The following MYO5B variants were observed in gnomAD, a reference collection of about 807,000 sequenced individuals.
MYO5B encodes unconventional myosin-Vb.
Under a neutral mutation model 229.3 loss-of-function variants are expected in MYO5B, and 143 were observed. The ratio of observed to expected loss-of-function variants is 0.62; its 90% CI spans 0.54 to 0.72. The LOEUF (loss-of-function observed/expected upper bound fraction) is 0.72, where lower values mean the gene tolerates loss of function less well. Among genes scored for constraint, MYO5B ranks in the 30% least tolerant of loss-of-function variants. The pLI is 0.00. For missense variants in MYO5B, 2,321 were observed against 2,331.0 expected (o/e 1.00, Z 0.09); for synonymous variants, 918 against 885.2 (o/e 1.04, Z -0.66).
Position 49,951,014 on chromosome 18 carries a change from G to A in MYO5B, c.1752+2246C>T, listed in dbSNP as rs192317145. Reference sequence around the variant, plus strand: ...CTGGGAGTTTGGAATTTTGGTTTGTGCTAGGCTAAGGGTGCCTACATAATC... The same window carrying A: ...CTGGGAGTTTGGAATTTTGGTTTGTACTAGGCTAAGGGTGCCTACATAATC... On this transcript the variant is annotated intron_variant, in intron 14 of 39. Coordinates refer to ENST00000285039, the MANE Select transcript of MYO5B (RefSeq NM_001080467.3). Among the ~76,000 whole-genome samples, 13 of 152,314 alleles carry A rather than the reference G, an allele frequency of 8.5e-5. 1 individual carries two copies. In the East Asian group the frequency reaches 2.5e-3, roughly 29 times the overall value.
chr18:50,118,880 T>C (rs932229476), intron 1 of MYO5B, among the ~76,000 whole-genome samples: 3 of 152,144 alleles, frequency 2.0e-5, no homozygotes, highest in African/African-American at 7.2e-5. Context: ...CTACTGTTTG[T>C]TGCTAGTCAC....
rs553140360 is a variant in MYO5B, at chr18:49,982,924, A to C, written c.946+1794T>G. Among the ~76,000 whole-genome samples the C allele has an allele frequency of 2.0e-3, 311 of 152,134 alleles. 1 individual carries two copies. Among genetic ancestry groups the C allele is most frequent in the African/African-American group, 6.9e-3 (288 of 41,530 alleles). On this transcript the variant is annotated intron_variant, in intron 8 of 39. Coordinates refer to ENST00000285039, the MANE Select transcript of MYO5B (RefSeq NM_001080467.3). ...TGTCCTTAGAGCCTTGGAGGGAGCAATCCTCTCCTTATATCAGCTTGTGCC... is the reference window on the plus strand; with the variant it reads ...TGTCCTTAGAGCCTTGGAGGGAGCACTCCTCTCCTTATATCAGCTTGTGCC...
intron 1 of MYO5B, among the ~76,000 whole-genome samples, chr18:50,102,386 T>C (rs1465620281): frequency 6.6e-6 from 1 of 151,342 alleles, no homozygotes; most frequent in Non-Finnish European, 1.5e-5. Flanking sequence ...AAATCTTAAC[T>C]CTTAGAAAAG....
chr18:49,985,401 C>T (rs554460909), intron 7 of MYO5B, among the ~76,000 whole-genome samples: 2 of 152,298 alleles, frequency 1.3e-5, no homozygotes, highest in Non-Finnish European at 2.9e-5. Context: ...CCTCTGGTAA[C>T]AGCCTAGGGG....
At chr18:50,005,699 G>A (rs985154231) in intron 4 of MYO5B, among the ~76,000 whole-genome samples, 9 of 152,168 alleles carry the variant, frequency 5.9e-5, no homozygotes, top group African/African-American at 1.4e-4. Flanking sequence ...TTACAGGCAT[G>A]AGCCACTGCC....
intron 9 of MYO5B, among the ~76,000 whole-genome samples, chr18:49,976,443 A>G (rs369285881): frequency 1.3e-5 from 2 of 152,320 alleles, no homozygotes; most frequent in South Asian, 2.1e-4. Flanking sequence ...TGCAAAGAAC[A>G]TTAGTTGGCT....
At chr18:50,034,264 A>C (rs959111824) in intron 4 of MYO5B, among the ~76,000 whole-genome samples, 2 of 152,222 alleles carry the variant, frequency 1.3e-5, no homozygotes, top group Non-Finnish European at 2.9e-5. Flanking sequence ...AGTACTGTTG[A>C]ATGAATGTGT....
At chr18:50,025,266 G>T (rs967090285) in intron 4 of MYO5B, among the ~76,000 whole-genome samples, 2 of 152,188 alleles carry the variant, frequency 1.3e-5, no homozygotes, top group Non-Finnish European at 2.9e-5. Flanking sequence ...GTCAAGACCT[G>T]CATATCAGTG....
At chr18:50,126,758 T>TA (rs1474617859) in intron 1 of MYO5B, among the ~76,000 whole-genome samples, 1 of 152,200 alleles carries the variant, frequency 6.6e-6, no homozygotes, top group African/African-American at 2.4e-5. Context: ...CACCATCTTC[T>TA]AGCACACTAT....
chr18:50,004,927 C>T (rs1598946279), intron 4 of MYO5B, among the ~76,000 whole-genome samples: 1 of 152,306 alleles, frequency 6.6e-6, no homozygotes, highest in South Asian at 2.1e-4. Flanking sequence ...GAATTTGAAC[C>T]TCGGCCGCAC....
chr18:49,915,440 C>G (rs2025003027), intron 17 of MYO5B, among the ~76,000 whole-genome samples: 1 of 152,192 alleles, frequency 6.6e-6, no homozygotes, highest in African/African-American at 2.4e-5. Flanking sequence ...TTTACAAGGC[C>G]CTGCTCATCA....
chr18:49,903,817 TC>T (rs1368377759), intron 20 of MYO5B, among the ~76,000 whole-genome samples: 1 of 152,228 alleles, frequency 6.6e-6, no homozygotes, highest in African/African-American at 2.4e-5. Context: ...GATGTGGGGC[TC>T]CTGAACCCAA....
At chr18:50,190,731 G>A (rs1480555877) in intron 1 of MYO5B, among the ~76,000 whole-genome samples, 1 of 152,206 alleles carries the variant, frequency 6.6e-6, no homozygotes, top group Non-Finnish European at 1.5e-5. Context: ...TATTTTCTTA[G>A]ATAACTAGAA....
At position 49,937,407 on chromosome 18, in the gene MYO5B, A is replaced by G; in HGVS notation, c.1753-10T>C. On this transcript the variant is annotated splice_polypyrimidine_tract_variant and intron_variant, in intron 14 of 39. Coordinates refer to ENST00000285039, the MANE Select transcript of MYO5B (RefSeq NM_001080467.3). Reference sequence around the variant, plus strand: ...CAGCCACTAGTGGGAACTAGAAACAATCACAGGAAGAATGATGAAAGTGAC... The same window carrying G: ...CAGCCACTAGTGGGAACTAGAAACAGTCACAGGAAGAATGATGAAAGTGAC... 1 of 1,613,668 alleles carries G rather than the reference A, an allele frequency of 6.2e-7. No individual in the cohort carries two copies. The highest frequency in any genetic ancestry group is 1.1e-5 in the South Asian group (1 of 91,066).
chr18:50,066,122 T>C (rs1275825666), intron 1 of MYO5B, among the ~76,000 whole-genome samples: 3 of 152,088 alleles, frequency 2.0e-5, no homozygotes, highest in Non-Finnish European at 4.4e-5. Flanking sequence ...GGAAAGGACA[T>C]GGTCAAAACT....
intron 1 of MYO5B, among the ~76,000 whole-genome samples, chr18:50,129,962 C>G (rs555498860): frequency 1.3e-5 from 2 of 152,308 alleles, no homozygotes; most frequent in East Asian, 1.9e-4. Flanking sequence ...TGACCACCGC[C>G]CCACCTCCTG....
intron 1 of MYO5B, among the ~76,000 whole-genome samples, chr18:50,136,723 G>C (rs2032342505): frequency 6.6e-6 from 1 of 152,196 alleles, no homozygotes. Flanking sequence ...TGGCTCTTTA[G>C]TAAAGCAGTA....
intron 22 of MYO5B, among the ~76,000 whole-genome samples, chr18:49,888,725 G>C (rs112814548): frequency 6.6e-6 from 1 of 152,094 alleles, no homozygotes; most frequent in Non-Finnish European, 1.5e-5. Context: ...GCCTCTTCCC[G>C]CCCTCCAGGA....
Position 49,984,788 on chromosome 18 carries a change from T to C in MYO5B, c.876A>G (p.Gly292=). 6.2e-7 allele frequency: 1 copy of C among 1,613,818 alleles called. No individual in the cohort carries two copies. The highest frequency in any genetic ancestry group is 8.5e-7 in the Non-Finnish European group (1 of 1,179,768). The stretch of plus-strand genomic sequence containing the variant: ...CGTCCACACCCTCGATGGAAGTGTC[T>C]CCTCCCTGTGATGTATAGAAAAAGT... ...AEDFFYTSQG[G]DTSIEGVDDA... Residue 292 remains glycine, a synonymous_variant, in exon 8 of 40, where the codon GGA becomes GGG. Coordinates refer to ENST00000285039, the MANE Select transcript of MYO5B (RefSeq NM_001080467.3).
Sources: gnomAD v4.1 joint callset for allele counts (sites outside exome capture counted in the v4.1 genomes callset) on GRCh38, gnomAD v4.1.1 for gene constraint, MANE v1.5 for transcripts, NCBI Gene and HGNC (gene_info 2026-07-23, HGNC 2026-07-21) for gene names.